Variants in RCBTB2 observed in about 807,000 individuals in gnomAD.
The protein encoded by RCBTB2 is RCC1 and BTB domain-containing protein 2.
In RCBTB2, 55 loss-of-function variants were observed where a neutral mutation model predicts 65.4. The ratio of observed to expected loss-of-function variants is 0.84; its 90% CI spans 0.68 to 1.05. RCBTB2 has a LOEUF of 1.05. Ranked by LOEUF, RCBTB2 falls within the 50% of genes least tolerant of loss-of-function variation. The pLI is 0.00. For synonymous variants in RCBTB2, 220 were observed against 255.2 expected (o/e 0.86, Z 1.31); for missense variants, 599 against 680.1 (o/e 0.88, Z 1.33).
intron 9 of RCBTB2, among the ~76,000 whole-genome samples, chr13:48,511,326 C>T (rs1055218077): frequency 1.3e-5 from 2 of 152,152 alleles, no homozygotes; most frequent in African/African-American, 4.8e-5. Context: ...AGCATATATA[C>T]TTGGCATAAT....
chr13:48,519,443 C>T (rs1191249986), intron 4 of RCBTB2, among the ~76,000 whole-genome samples: 1 of 152,226 alleles, frequency 6.6e-6, no homozygotes, highest in Non-Finnish European at 1.5e-5. Flanking sequence ...CCAGCTCTTA[C>T]ATACCTGTCT....
intron 10 of RCBTB2, among the ~76,000 whole-genome samples, chr13:48,510,293 C>A (rs1032589674): frequency 3.3e-5 from 5 of 152,050 alleles, no homozygotes; most frequent in Admixed American, 3.3e-4. Context: ...TATTGACACC[C>A]CCTTAAGAAT....
chr13:48,513,539 T>C (rs1244525656), intron 6 of RCBTB2, among the ~76,000 whole-genome samples: 1 of 152,240 alleles, frequency 6.6e-6, no homozygotes, highest in African/African-American at 2.4e-5. Context: ...TCTCTTAGTG[T>C]TATATTCTGA....
At chr13:48,525,324 A>G (rs1337564149) in intron 1 of RCBTB2, among the ~76,000 whole-genome samples, 1 of 146,502 alleles carries the variant, frequency 6.8e-6, no homozygotes, top group Non-Finnish European at 1.5e-5. Context: ...CCTGCAAATC[A>G]GTAAGAATAA....
chr13:48,528,174 T>A (rs1314527806), intron 1 of RCBTB2, among the ~76,000 whole-genome samples: 1 of 152,174 alleles, frequency 6.6e-6, no homozygotes, highest in African/African-American at 2.4e-5. Flanking sequence ...CCAGCTCTCT[T>A]AGGGACTTCT....
chr13:48,508,700 T>C (rs186004270), intron 10 of RCBTB2, among the ~76,000 whole-genome samples: 185 of 152,268 alleles, frequency 1.2e-3, no homozygotes, highest in African/African-American at 4.1e-3. Context: ...GCCTGGCCCA[T>C]CCATGATTTT....
At chr13:48,525,657 C>T (rs911592644) in intron 1 of RCBTB2, among the ~76,000 whole-genome samples, 3 of 151,646 alleles carry the variant, frequency 2.0e-5, no homozygotes, top group Non-Finnish European at 4.4e-5. Flanking sequence ...AACTCTAGAG[C>T]ATACACACAA....
At chr13:48,496,401 G>T (rs1949972873) in intron 13 of RCBTB2, 80 bp from the exon 14 acceptor site, 18 of 1,351,714 alleles carry the variant, frequency 1.3e-5, no homozygotes, top group Non-Finnish European at 1.8e-5. Flanking sequence ...ACTCAGAGAT[G>T]ATTTTGACAC....
intron 3 of RCBTB2, 144 bp from the exon 4 acceptor site, chr13:48,522,106 C>A: frequency 1.3e-6 from 1 of 791,092 alleles, no homozygotes; most frequent in Non-Finnish European, 2.0e-6. Context: ...AAGCTTTAGG[C>A]ATGGGAATGA....
At chr13:48,502,565 T>A (rs1157153592) in intron 11 of RCBTB2, among the ~76,000 whole-genome samples, 159 bp downstream of exon 11, 1 of 152,140 alleles carries the variant, frequency 6.6e-6, no homozygotes, top group African/African-American at 2.4e-5. Flanking sequence ...TGATTTCTGA[T>A]GCTCTGAAGA....
In RCBTB2 at chr13:48,522,304, A is replaced by G. The variant is rs1233549957; in HGVS notation, c.-24+4T>C. ...CCTGTGATAAGGAAAAATAAATTTT[A>G]GACCTTTGTCAACTTTTCTCTGGGA... On this transcript the variant is annotated splice_donor_region_variant and intron_variant, in intron 3 of 14. Coordinates refer to ENST00000344532, the MANE Select transcript of RCBTB2 (RefSeq NM_001268.4). 1 of 1,507,300 alleles carries G rather than the reference A, an allele frequency of 6.6e-7. No homozygotes were observed. The highest frequency in any genetic ancestry group is 8.9e-7 in the Non-Finnish European group (1 of 1,121,318). 93.4% of individuals were successfully genotyped at this position (1,507,300 alleles called of 1,614,324 possible). A position where few individuals can be genotyped will look rare whatever the true frequency, so the allele number is the denominator to read the frequency against.
intron 1 of RCBTB2, among the ~76,000 whole-genome samples, chr13:48,528,142 A>G (rs1431332404): frequency 6.6e-6 from 1 of 152,198 alleles, no homozygotes; most frequent in African/African-American, 2.4e-5. Context: ...AGCAAACAGA[A>G]TAACGTAGAG....
At chr13:48,499,504 C>T in intron 13 of RCBTB2, 117 bp downstream of exon 13, 3 of 1,083,718 alleles carry the variant, frequency 2.8e-6, no homozygotes, top group Non-Finnish European at 4.0e-6. Flanking sequence ...ATTCAACACA[C>T]ACAAAAAGAA....
chr13:48,515,652 T>C lies in RCBTB2; in HGVS notation c.132A>G (p.Leu44=). The change falls in exon 5 of 15, where the codon TTA becomes TTG. Residue 44 remains leucine, a synonymous_variant. Transcript: ENST00000344532. ...TGCCAAAGACACAAGCCTGACGAATTAACTGTAGTTCTTCTTCAGAACAAA... is the reference window on the plus strand; with the variant it reads ...TGCCAAAGACACAAGCCTGACGAATCAACTGTAGTTCTTCTTCAGAACAAA... ...FSLCSEEELQ[L]IRQACVFGSA... 2 of 1,614,030 alleles carry C rather than the reference T, an allele frequency of 1.2e-6. No homozygotes were observed. Among genetic ancestry groups the C allele is most frequent in the Middle Eastern group, 1.6e-4 (1 of 6,062 alleles).
intron 12 of RCBTB2, 100 bp from the exon 13 acceptor site, chr13:48,499,860 T>C (rs1248061692): frequency 5.9e-6 from 8 of 1,351,610 alleles, no homozygotes; most frequent in Non-Finnish European, 8.2e-6. Flanking sequence ...CGCTGGCACG[T>C]CCCTGCTGTG....
At position 48,493,309 on chromosome 13, in the gene RCBTB2, A is replaced by ACTCTCTCTCT. The variant is rs1429120157; in HGVS notation, c.1515+2881_1515+2882insAGAGAGAGAG. On this transcript the variant is annotated intron_variant, in intron 14 of 14. Coordinates refer to ENST00000344532, the MANE Select transcript of RCBTB2 (RefSeq NM_001268.4). ...TCTCTCCACACACACACACACACACACACACACTCTCTCTCTCTCTCTCTC... is the reference window on the plus strand; with the variant it reads ...TCTCTCCACACACACACACACACACACTCTCTCTCTCACACACTCTCTCTCTCTCTCTCTC... 1.5e-3 allele frequency among the ~76,000 whole-genome samples: 72 copies of ACTCTCTCTCT among 47,872 alleles called. No individual in the cohort carries two copies. In the South Asian group the frequency reaches 0.016, roughly 11 times the overall value. The allele number at this position is 47,872 out of a possible 152,430, so 31.4% of individuals were successfully genotyped here. A position where few individuals can be genotyped will look rare whatever the true frequency, so the allele number is the denominator to read the frequency against.
chr13:48,533,748 A>G (rs1952305758), upstream of RCBTB2, among the ~76,000 whole-genome samples: 1 of 152,244 alleles, frequency 6.6e-6, no homozygotes, highest in Non-Finnish European at 1.5e-5. Flanking sequence ...AGATTTAAGT[A>G]AAATGCACCA....
upstream of RCBTB2, among the ~76,000 whole-genome samples, chr13:48,534,261 GA>G (rs1207666606): frequency 1.3e-5 from 2 of 152,192 alleles, no homozygotes; most frequent in African/African-American, 4.8e-5. Flanking sequence ...TCTTATCAAT[GA>G]AAGAAATTTA....
chr13:48,526,797 T>A (rs1446146250), intron 1 of RCBTB2, among the ~76,000 whole-genome samples: 1 of 151,846 alleles, frequency 6.6e-6, no homozygotes, highest in Admixed American at 6.6e-5. Flanking sequence ...GTACCTGTAG[T>A]CCCAGCTACT....
Sources: gnomAD v4.1 joint callset for allele counts (sites outside exome capture counted in the v4.1 genomes callset) on GRCh38, gnomAD v4.1.1 for gene constraint, MANE v1.5 for transcripts, NCBI Gene and HGNC (gene_info 2026-07-23, HGNC 2026-07-21) for gene names.